The following MYH16 variants were observed in gnomAD, a reference collection of about 807,000 sequenced individuals.
MYH16 encodes the protein putative uncharacterized protein MYH16.
At chr7:99,304,394 C>G (rs1047517313) in intron 39 of MYH16, among the ~76,000 whole-genome samples, 192 bp from the exon 21 acceptor site, 3 of 152,152 alleles carry the variant, frequency 2.0e-5, no homozygotes, top group Non-Finnish European at 4.4e-5. Flanking sequence ...TTGGCTCCCC[C>G]TCCCCTCTCG....
intron 37 of MYH16, among the ~76,000 whole-genome samples, chr7:99,300,890 T>C (rs541531199): frequency 6.6e-6 from 1 of 151,742 alleles, no homozygotes; most frequent in Non-Finnish European, 1.5e-5. Context: ...TGGTGATAAG[T>C]CCTATGGAGA....
At chr7:99,251,563 C>G (rs551403629) in intron 6 of MYH16, among the ~76,000 whole-genome samples, 2 of 152,192 alleles carry the variant, frequency 1.3e-5, no homozygotes, top group East Asian at 3.9e-4. Flanking sequence ...CTGCAGAGAC[C>G]CAGACAGGGT....
chr7:99,251,571 G>T lies in MYH16; in HGVS notation n.729+385G>T, dbSNP rs1791809326. 2.0e-5 allele frequency among the ~76,000 whole-genome samples: 3 copies of T among 152,076 alleles called. No homozygotes were observed. The South Asian group carries it at 6.2e-4, about 32-fold the overall frequency. On this transcript the variant is annotated intron_variant and non_coding_transcript_variant, in intron 6 of 41. Transcript: ENST00000439784. The stretch of plus-strand genomic sequence containing the variant: ...CTGGGTTCTGCAGAGACCCAGACAG[G>T]GTTAACTTTTTTTTGTTTTGATTTG...
chr7:99,247,318 G>A (rs538322024), intron 2 of MYH16, among the ~76,000 whole-genome samples: 12 of 152,266 alleles, frequency 7.9e-5, no homozygotes, highest in African/African-American at 2.4e-4. Flanking sequence ...GATTATAGGC[G>A]TGCACCACCA....
intron 21 of MYH16, among the ~76,000 whole-genome samples, chr7:99,277,931 G>GACAGAC (rs936583888): frequency 1.5e-5 from 2 of 134,206 alleles, no homozygotes; most frequent in East Asian, 2.0e-4. Context: ...GAGAGAGAGA[G>GACAGAC]AGAGAGACAG....
chr7:99,298,065 C>G, intron 36 of MYH16, 70 bp downstream of exon 17: 4 of 444,260 alleles, frequency 9.0e-6, no homozygotes, highest in Non-Finnish European at 1.8e-5. Context: ...AAACCCCAGT[C>G]TCTTCCACCT....
At chr7:99,300,528 A>T (rs1164613495) in intron 37 of MYH16, among the ~76,000 whole-genome samples, 1 of 152,184 alleles carries the variant, frequency 6.6e-6, no homozygotes, top group African/African-American at 2.4e-5. Flanking sequence ...AATGCTGGAC[A>T]CATTTGGTGT....
At chr7:99,284,115 CA>C (rs1792242847) in intron 25 of MYH16, 97 bp downstream of exon 7, 2 of 369,384 alleles carry the variant, frequency 5.4e-6, no homozygotes, top group East Asian at 1.5e-4. Flanking sequence ...TGGAGAGCCT[CA>C]CAAACATTCC....
At position 99,277,715 on chromosome 7, in the gene MYH16, A is replaced by G. The variant is rs530073587; in HGVS notation, n.2659+3A>G. On this transcript the variant is annotated splice_donor_region_variant and intron_variant and non_coding_transcript_variant, in intron 21 of 41. Transcript: ENST00000439784. ...ACCTCACCATCCAGCTGCAGGCTGTACGTGGGGTCCCCAGGGAGAAGGGTG... is the reference window on the plus strand; with the variant it reads ...ACCTCACCATCCAGCTGCAGGCTGTGCGTGGGGTCCCCAGGGAGAAGGGTG... 258 of 455,172 alleles carry G rather than the reference A, an allele frequency of 5.7e-4. 4 individuals carry two copies. The highest frequency in any genetic ancestry group is 3.9e-3 in the South Asian group (252 of 64,348). The allele number at this position is 455,172 out of a possible 1,614,324, so 28.2% of individuals were successfully genotyped here. A position where few individuals can be genotyped will look rare whatever the true frequency, so the allele number is the denominator to read the frequency against.
chr7:99,239,556 C>T (rs1213270944), intron 1 of MYH16, among the ~76,000 whole-genome samples: 2 of 152,120 alleles, frequency 1.3e-5, no homozygotes, highest in African/African-American at 4.8e-5. Flanking sequence ...GTGATGGCTT[C>T]CGATGGCTTT....
chr7:99,286,466 G>A (rs61740607), exon 28 of MYH16: 2 of 152,316 alleles, frequency 1.3e-5, no homozygotes, highest in Non-Finnish European at 2.9e-5. Context: ...GACCTGTCCC[G>A]GGATCTTGAA....
intron 12 of MYH16, chr7:99,260,366 G>A (rs1350533255): frequency 1.0e-6 from 1 of 965,544 alleles, no homozygotes; most frequent in Non-Finnish European, 1.6e-6. Flanking sequence ...GGATTGGAGA[G>A]AGGCCAGGGC....
chr7:99,264,157 C>T (rs1028287630), intron 14 of MYH16: 1 of 152,662 alleles, frequency 6.6e-6, no homozygotes, highest in African/African-American at 2.4e-5. Flanking sequence ...TTTTTAAATC[C>T]AAAGAATGTG....
intron 18 of MYH16, among the ~76,000 whole-genome samples, chr7:99,267,655 G>A (rs573787784): frequency 5.9e-5 from 9 of 152,332 alleles, no homozygotes; most frequent in East Asian, 1.9e-4. Context: ...CTGAGCCAGC[G>A]GCTGAGATGG....
At chr7:99,241,927 C>G (rs955375187) in intron 1 of MYH16, among the ~76,000 whole-genome samples, 2 of 150,768 alleles carry the variant, frequency 1.3e-5, no homozygotes, top group Non-Finnish European at 2.9e-5. Context: ...GCGGCATGAT[C>G]TCCGCTCACT....
exon 13 of MYH16, chr7:99,261,619 CACT>C: frequency 6.5e-6 from 1 of 153,692 alleles, no homozygotes; most frequent in Non-Finnish European, 1.5e-5. Context: ...CGAGCTGGTT[CACT>C]ACGCAGGCAC....
intron 31 of MYH16, 36 bp from the exon 13 acceptor site, chr7:99,292,276 A>G (rs1792394305): frequency 2.2e-6 from 1 of 447,902 alleles, no homozygotes; most frequent in Admixed American, 2.4e-5. Flanking sequence ...GGCTGTGGAA[A>G]GCCCCCACGG....
intron 37 of MYH16, among the ~76,000 whole-genome samples, chr7:99,300,612 G>C (rs970447134): frequency 1.3e-5 from 2 of 152,170 alleles, no homozygotes; most frequent in African/African-American, 4.8e-5. Context: ...TTCGTGACTG[G>C]CCTGGGCATC....
downstream of MYH16, among the ~76,000 whole-genome samples, chr7:99,310,480 G>A (rs371644116): frequency 2.0e-5 from 3 of 152,298 alleles, no homozygotes; most frequent in Admixed American, 6.5e-5. Flanking sequence ...CCAGGGCACT[G>A]CACTCTGAGC....
Sources: gnomAD v4.1 joint callset for allele counts (sites outside exome capture counted in the v4.1 genomes callset) on GRCh38, gnomAD v4.1.1 for gene constraint, MANE v1.5 for transcripts, NCBI Gene and HGNC (gene_info 2026-07-23, HGNC 2026-07-21) for gene names.